The following AHI1 variants were observed in gnomAD, a reference collection of about 807,000 sequenced individuals.
AHI1 encodes the protein Abelson helper integration site 1, also known as jouberin.
AHI1 carries 123 observed loss-of-function variants against 149.3 expected under a neutral mutation model. The observed-to-expected ratio is 0.82, with a 90% CI of 0.71 to 0.96. AHI1 has a LOEUF of 0.96. Among genes scored for constraint, AHI1 ranks in the 40% least tolerant of loss-of-function variants. AHI1 has a pLI of 0.00. For missense variants in AHI1, 1,439 were observed against 1,422.7 expected, an observed-to-expected ratio of 1.01 and a Z score of -0.18; for synonymous variants, 475 against 459.8, an observed-to-expected ratio of 1.03 and a Z score of -0.42.
At chr6:135,419,358 T>G (rs901341673) in intron 20 of AHI1, among the ~76,000 whole-genome samples, 7 of 152,108 alleles carry the variant, frequency 4.6e-5, no homozygotes, top group Non-Finnish European at 8.8e-5. Flanking sequence ...ACTGAAAATG[T>G]GTCATACATA....
intron 6 of AHI1, 86 bp from the exon 7 acceptor site, chr6:135,466,459 T>A: frequency 8.2e-7 from 1 of 1,212,318 alleles, no homozygotes; most frequent in Admixed American, 2.2e-5. Flanking sequence ...TATTTGACAA[T>A]GTGGAATTAT....
intron 23 of AHI1, among the ~76,000 whole-genome samples, chr6:135,360,226 A>G (rs1257759649): frequency 6.6e-6 from 1 of 152,228 alleles, no homozygotes; most frequent in Non-Finnish European, 1.5e-5. Flanking sequence ...AGCATGCTAT[A>G]ATGGTTAGTA....
At chr6:135,366,332 T>C (rs1224732863) in intron 23 of AHI1, among the ~76,000 whole-genome samples, 2 of 152,170 alleles carry the variant, frequency 1.3e-5, no homozygotes, top group Non-Finnish European at 2.9e-5. Context: ...CCTTGTTCTC[T>C]ATCTTTTGGA....
At chr6:135,428,078 T>C (rs961257714) in intron 19 of AHI1, among the ~76,000 whole-genome samples, 2 of 151,678 alleles carry the variant, frequency 1.3e-5, no homozygotes, top group Non-Finnish European at 3.0e-5. Context: ...CTCAATTTCT[T>C]ATTAAAAACA....
In AHI1 at chr6:135,309,906, C is replaced by T. The variant is rs185178858; in HGVS notation, c.3426+8613G>A. On this transcript the variant is annotated intron_variant, in intron 26 of 28. Coordinates refer to ENST00000265602, the MANE Select transcript of AHI1 (RefSeq NM_001134831.2). The stretch of plus-strand genomic sequence containing the variant: ...TAAAGTAAGAAAACTTCAAATATTA[C>T]AAAAAGTTTAAAGCAAATCCAAGCA... 4.1e-3 allele frequency among the ~76,000 whole-genome samples: 631 copies of T among 152,050 alleles called. 8 individuals are homozygous for T. The highest frequency in any genetic ancestry group is 0.014 in the African/African-American group (593 of 41,494).
chr6:135,422,003 A>G (rs770078001), intron 20 of AHI1, among the ~76,000 whole-genome samples: 14 of 152,170 alleles, frequency 9.2e-5, no homozygotes, highest in South Asian at 2.1e-4. Flanking sequence ...ATTCATAAGT[A>G]TTACAAATGA....
chr6:135,342,481 T>C (rs1034080345), intron 24 of AHI1, among the ~76,000 whole-genome samples: 3 of 151,794 alleles, frequency 2.0e-5, no homozygotes, highest in African/African-American at 4.8e-5. Context: ...TGAATACTGA[T>C]GCAAAACCCT....
intron 26 of AHI1, chr6:135,302,773 G>A: frequency 7.8e-7 from 1 of 1,288,736 alleles, no homozygotes; most frequent in South Asian, 1.2e-5. Context: ...GCAGAAGCAG[G>A]GGGAAGAAGG....
chr6:135,407,769 T>C (rs888741107), intron 21 of AHI1, among the ~76,000 whole-genome samples: 2 of 152,066 alleles, frequency 1.3e-5, no homozygotes, highest in African/African-American at 4.8e-5. Context: ...TCCCAGCACT[T>C]TGGGAGGCCG....
chr6:135,352,696 T>C (rs1792312183), intron 24 of AHI1, among the ~76,000 whole-genome samples: 1 of 135,218 alleles, frequency 7.4e-6, no homozygotes, highest in Non-Finnish European at 1.5e-5. Context: ...AGACACATTG[T>C]GTGTGTATAT....
chr6:135,412,335 C>T (rs899100837), intron 20 of AHI1, among the ~76,000 whole-genome samples: 1 of 152,178 alleles, frequency 6.6e-6, no homozygotes, highest in Admixed American at 6.5e-5. Flanking sequence ...GTGACTTTAG[C>T]ATCCATAGAT....
At chr6:135,426,353 C>T (rs769552974) in intron 20 of AHI1, among the ~76,000 whole-genome samples, 6 of 151,246 alleles carry the variant, frequency 4.0e-5, no homozygotes, top group Non-Finnish European at 8.9e-5. Context: ...CATAATTTAC[C>T]CTGGAAGGCA....
At chr6:135,463,943 C>G (rs1790334114) in intron 7 of AHI1, among the ~76,000 whole-genome samples, 6 of 152,052 alleles carry the variant, frequency 3.9e-5, no homozygotes. Context: ...TGGACTTTCA[C>G]TATGTTGCTC....
At chr6:135,288,156 CA>C (rs1781916765) in intron 28 of AHI1, among the ~76,000 whole-genome samples, 2 of 152,004 alleles carry the variant, frequency 1.3e-5, no homozygotes, top group South Asian at 4.2e-4. Flanking sequence ...ACATTCAATC[CA>C]ATAGATCTTT....
rs1291306474 is a variant in AHI1, at chr6:135,363,501, C to T, written c.3110-5314G>A. On this transcript the variant is annotated intron_variant, in intron 23 of 28. Transcript: ENST00000265602. ...ATTTCTCAATCTTTTCCCCACCTTTCCCCCCTTTCTATTCTACAAAACCGC... is the reference window on the plus strand; with the variant it reads ...ATTTCTCAATCTTTTCCCCACCTTTTCCCCCTTTCTATTCTACAAAACCGC... Among the ~76,000 whole-genome samples the T allele has an allele frequency of 2.0e-5, 3 of 152,310 alleles. No homozygotes were observed. In the East Asian group the frequency reaches 5.8e-4, roughly 29 times the overall value.
chr6:135,477,661 C>A (rs976119848), intron 5 of AHI1, among the ~76,000 whole-genome samples: 1 of 148,420 alleles, frequency 6.7e-6, no homozygotes, highest in African/African-American at 2.5e-5. Context: ...CTCCTTCGCA[C>A]TCTCTCTCTC....
intron 20 of AHI1, among the ~76,000 whole-genome samples, chr6:135,426,191 T>A (rs1394419315): frequency 6.6e-6 from 1 of 151,790 alleles, no homozygotes; most frequent in Non-Finnish European, 1.5e-5. Context: ...TGCTAATGTC[T>A]GCTTGTAATA....
intron 20 of AHI1, among the ~76,000 whole-genome samples, chr6:135,417,842 CT>C (rs1268340090): frequency 1.3e-5 from 2 of 152,016 alleles, no homozygotes; most frequent in African/African-American, 4.8e-5. Flanking sequence ...GCTCTTCCCC[CT>C]CCTCCAGCCT....
In AHI1 at chr6:135,431,328, T is replaced by C. The variant is rs1342603314; in HGVS notation, c.2267-14A>G. On this transcript the variant is annotated splice_polypyrimidine_tract_variant and intron_variant, in intron 16 of 28. Transcript: ENST00000265602. ...ACATATGATGACCTATTTAAAAAAATAAGATCACTCACTTATGAATGTCAC... is the reference window on the plus strand; with the variant it reads ...ACATATGATGACCTATTTAAAAAAACAAGATCACTCACTTATGAATGTCAC... 1.3e-6 allele frequency: 2 copies of C among 1,491,028 alleles called. No homozygotes were observed. The highest frequency in any genetic ancestry group is 1.9e-6 in the Non-Finnish European group (2 of 1,079,752). 92.4% of individuals were successfully genotyped at this position (1,491,028 alleles called of 1,614,324 possible).
Sources: gnomAD v4.1 joint callset for allele counts (sites outside exome capture counted in the v4.1 genomes callset) on GRCh38, gnomAD v4.1.1 for gene constraint, MANE v1.5 for transcripts, NCBI Gene and HGNC (gene_info 2026-07-23, HGNC 2026-07-21) for gene names.